The following ALCAM variants were observed in gnomAD, a reference collection of about 807,000 sequenced individuals.
ALCAM encodes CD166 antigen.
ALCAM carries 30 observed loss-of-function variants against 70.9 expected under a neutral mutation model. The observed-to-expected ratio is 0.42, with a 90% confidence interval of 0.32 to 0.57. The LOEUF (loss-of-function observed/expected upper bound fraction) is 0.57. Ranked by LOEUF, ALCAM falls within the 20% of genes least tolerant of loss-of-function variation. The pLI, the probability that ALCAM is intolerant of heterozygous loss-of-function variation, is 0.11. For missense variants in ALCAM, 591 were observed against 695.1 expected, an observed-to-expected ratio of 0.85 and a Z score of 1.68; for synonymous variants, 249 against 242.5, an observed-to-expected ratio of 1.03 and a Z score of -0.25.
intron 1 of ALCAM, among the ~76,000 whole-genome samples, chr3:105,421,966 G>A (rs1936661993): frequency 6.6e-6 from 1 of 151,180 alleles, no homozygotes; most frequent in Non-Finnish European, 1.5e-5. Flanking sequence ...TACCCAATAT[G>A]TAGTTTTTTA....
chr3:105,389,371 G>GTTT (rs371987714), intron 1 of ALCAM, among the ~76,000 whole-genome samples: 19,026 of 58,054 alleles, frequency 0.33, 6,403 homozygotes, highest in South Asian at 0.37. Context: ...TATATACATA[G>GTTT]TTTTTTTTTT....
At chr3:105,457,682 C>T (rs946184620) in intron 1 of ALCAM, among the ~76,000 whole-genome samples, 6 of 152,086 alleles carry the variant, frequency 3.9e-5, no homozygotes, top group African/African-American at 1.4e-4. Flanking sequence ...AACTGCTGCC[C>T]ATATGCTGGA....
At chr3:105,404,324 G>A (rs1936165590) in intron 1 of ALCAM, among the ~76,000 whole-genome samples, 1 of 152,112 alleles carries the variant, frequency 6.6e-6, no homozygotes, top group Non-Finnish European at 1.5e-5. Flanking sequence ...AATCTTAAGA[G>A]CTGTGAGGCA....
In ALCAM at chr3:105,500,681, G is replaced by C. The variant is rs571607813; in HGVS notation, c.74-19386G>C. 3.9e-5 allele frequency among the ~76,000 whole-genome samples: 6 copies of C among 152,216 alleles called. No homozygotes were observed. In the East Asian group the frequency reaches 1.2e-3, roughly 30 times the overall value. On this transcript the variant is annotated intron_variant, in intron 1 of 15. Transcript: ENST00000306107. ...CAATATTGGATTAAGAGTCACAAGA[G>C]TCATTTCCTTAACTTGGTTCTATCT...
Position 105,564,539 on chromosome 3 carries a change from G to A in ALCAM, c.1665-7313G>A, listed in dbSNP as rs139990454. Among the ~76,000 whole-genome samples the A allele has an allele frequency of 1.6e-3, 239 of 152,158 alleles. 1 individual carries two copies. Among genetic ancestry groups the A allele is most frequent in the Non-Finnish European group, 2.8e-3 (193 of 67,994 alleles). On this transcript the variant is annotated intron_variant, in intron 14 of 15. Coordinates refer to ENST00000306107, the MANE Select transcript of ALCAM (RefSeq NM_001627.4). Reference sequence around the variant, plus strand: ...ACATTACTGGGAGTGCATGTCTACCGCCAGTAAATTCTGAGTTTTCATTTT... The same window carrying A: ...ACATTACTGGGAGTGCATGTCTACCACCAGTAAATTCTGAGTTTTCATTTT...
intron 1 of ALCAM, among the ~76,000 whole-genome samples, chr3:105,503,072 T>C (rs750178263): frequency 2.6e-5 from 4 of 152,248 alleles, no homozygotes; most frequent in Non-Finnish European, 5.9e-5. Context: ...GAGTTTAAGT[T>C]CCAGCTTTGG....
intron 15 of ALCAM, among the ~76,000 whole-genome samples, chr3:105,572,446 G>A (rs910010500): frequency 6.6e-6 from 1 of 152,192 alleles, no homozygotes; most frequent in African/African-American, 2.4e-5. Context: ...GTATTCCATG[G>A]TGTATGTGTG....
At chr3:105,409,026 T>C (rs182876711) in intron 1 of ALCAM, among the ~76,000 whole-genome samples, 2 of 152,030 alleles carry the variant, frequency 1.3e-5, no homozygotes, top group Non-Finnish European at 2.9e-5. Flanking sequence ...AGAATGACCA[T>C]AATCAAAAAA....
chr3:105,534,730 G>C lies in ALCAM; in HGVS notation c.615G>C (p.Leu205=), dbSNP rs753626110. ...VTQLYTMTST[L]EYKTTKADIQ... ...AGCTCTATACCATGACTTCCACCCT[G>C]GAGTACAAGACAACCAAGGCTGACA... The change falls in exon 6 of 16, where the codon CTG becomes CTC. Residue 205 remains leucine, a synonymous_variant. Coordinates refer to ENST00000306107, the MANE Select transcript of ALCAM (RefSeq NM_001627.4). The C allele has an allele frequency of 1.8e-5, 29 of 1,613,594 alleles. No homozygotes were observed. The Admixed American group carries it at 4.5e-4, about 25-fold the overall frequency.
At chr3:105,570,941 G>A (rs1940848447) in intron 14 of ALCAM, among the ~76,000 whole-genome samples, 1 of 151,432 alleles carries the variant, frequency 6.6e-6, no homozygotes, top group Admixed American at 6.5e-5. Flanking sequence ...GGGAGGAAAG[G>A]AAGGAAGGGA....
intron 1 of ALCAM, among the ~76,000 whole-genome samples, chr3:105,410,812 TA>T (rs1481644664): frequency 6.8e-6 from 1 of 146,922 alleles, no homozygotes; most frequent in Non-Finnish European, 1.5e-5. Flanking sequence ...GAAGAATAAA[TA>T]TTAGAAATGA....
Position 105,576,900 on chromosome 3 carries a change from A to G in ALCAM, c.*2449A>G, listed in dbSNP as rs1159001045. ...GATAATAAAACTGAAATATGTCTTC[A>G]CAGGTCTCCCACAGCTGTCTGACTC... On this transcript the variant is annotated 3_prime_UTR_variant, in exon 16 of 16. Coordinates refer to ENST00000306107, the MANE Select transcript of ALCAM (RefSeq NM_001627.4). 6.6e-6 allele frequency: 1 copy of G among 152,262 alleles called. No homozygotes were observed. Among genetic ancestry groups the G allele is most frequent in the Non-Finnish European group, 1.5e-5 (1 of 68,050 alleles). The allele number at this position is 152,262 out of a possible 1,614,324, so 9.4% of individuals were successfully genotyped here. A position where few individuals can be genotyped will look rare whatever the true frequency, so the allele number is the denominator to read the frequency against.
chr3:105,491,575 C>A (rs1347704181), intron 1 of ALCAM, among the ~76,000 whole-genome samples: 1 of 152,214 alleles, frequency 6.6e-6, no homozygotes, highest in Non-Finnish European at 1.5e-5. Context: ...ACCCAAGTCA[C>A]CTCTTGAACA....
At chr3:105,566,608 C>T (rs961154242) in intron 14 of ALCAM, among the ~76,000 whole-genome samples, 6 of 151,898 alleles carry the variant, frequency 4.0e-5, no homozygotes, top group Admixed American at 1.3e-4. Flanking sequence ...TCTTTGTGTT[C>T]GTTTACTGTG....
intron 1 of ALCAM, among the ~76,000 whole-genome samples, chr3:105,473,643 C>G (rs977632519): frequency 2.0e-5 from 3 of 151,498 alleles, no homozygotes; most frequent in African/African-American, 7.3e-5. Context: ...TAACACACAC[C>G]ACAGCTCAGA....
chr3:105,521,808 A>C (rs1690528190), intron 2 of ALCAM, among the ~76,000 whole-genome samples: 1 of 152,170 alleles, frequency 6.6e-6, no homozygotes, highest in African/African-American at 2.4e-5. Flanking sequence ...AAAGGAAAGG[A>C]AGGTGGTAAG....
At chr3:105,404,905 C>T (rs1262798852) in intron 1 of ALCAM, among the ~76,000 whole-genome samples, 4 of 151,970 alleles carry the variant, frequency 2.6e-5, no homozygotes, top group Non-Finnish European at 5.9e-5. Context: ...AGATATTCCG[C>T]AAATGGACGC....
At chr3:105,563,706 A>T (rs1576244159) in intron 14 of ALCAM, among the ~76,000 whole-genome samples, 1 of 60,986 alleles carries the variant, frequency 1.6e-5, no homozygotes, top group South Asian at 5.0e-4. Flanking sequence ...TTTGAGACGG[A>T]GTCTCGCTCT....
intron 1 of ALCAM, among the ~76,000 whole-genome samples, chr3:105,426,600 C>A (rs975694074): frequency 3.3e-5 from 5 of 151,818 alleles, no homozygotes; most frequent in African/African-American, 9.7e-5. Context: ...GACTACCAGA[C>A]CTTATCCCTC....
Sources: allele counts gnomAD v4.1 joint callset (sites outside exome capture counted in the v4.1 genomes callset), GRCh38; gene constraint gnomAD v4.1.1; transcripts MANE v1.5; gene names NCBI Gene and HGNC (gene_info 2026-07-23, HGNC 2026-07-21).